The following DLG2 variants were observed in gnomAD, a reference collection of about 807,000 sequenced individuals.
The protein encoded by DLG2 is discs large MAGUK scaffold protein 2, also known as disks large homolog 2.
DLG2 carries 45 observed loss-of-function variants against 132.5 expected under a neutral mutation model. That is an observed-to-expected ratio of 0.34 (90% CI 0.27 to 0.44). The LOEUF is 0.44. Among genes scored for constraint, DLG2 ranks in the 20% least tolerant of loss-of-function variants. The pLI is 1.00. For synonymous variants in DLG2, 424 were observed against 419.6 expected (o/e 1.01, Z -0.13); for missense variants, 1,045 against 1,196.9 (o/e 0.87, Z 1.87).
intron 3 of DLG2, among the ~76,000 whole-genome samples, chr11:85,500,406 G>C (rs2093771131): frequency 8.8e-6 from 1 of 113,190 alleles, no homozygotes; most frequent in African/African-American, 3.8e-5. Context: ...TCGGGGGAGG[G>C]GGGAGGGATA....
chr11:84,611,032 C>CAT (rs1400201577), intron 6 of DLG2, among the ~76,000 whole-genome samples: 1 of 147,624 alleles, frequency 6.8e-6, no homozygotes, highest in Non-Finnish European at 1.5e-5. Flanking sequence ...CATACACACA[C>CAT]ACACACACAC....
intron 3 of DLG2, among the ~76,000 whole-genome samples, chr11:85,463,810 A>T (rs2092692947): frequency 6.6e-6 from 1 of 152,112 alleles, no homozygotes; most frequent in African/African-American, 2.4e-5. Context: ...AGATATTGGT[A>T]TTGAGTACAT....
intron 3 of DLG2, among the ~76,000 whole-genome samples, chr11:85,554,846 A>G (rs1368640141): frequency 6.6e-6 from 1 of 151,628 alleles, no homozygotes; most frequent in Admixed American, 6.6e-5. Context: ...CATCCTGACA[A>G]CTGACTGACT....
chr11:84,335,303 A>C (rs965153023), intron 7 of DLG2, among the ~76,000 whole-genome samples: 1 of 152,068 alleles, frequency 6.6e-6, no homozygotes, highest in Non-Finnish European at 1.5e-5. Context: ...AACCATTTTA[A>C]CATGGCTTCA....
intron 7 of DLG2, among the ~76,000 whole-genome samples, chr11:84,369,892 C>A (rs2098699070): frequency 6.6e-6 from 1 of 152,116 alleles, no homozygotes; most frequent in Non-Finnish European, 1.5e-5. Flanking sequence ...ATGGGGTAAA[C>A]TTTATCCCTT....
At chr11:85,351,475 T>C (rs556951528) in intron 3 of DLG2, among the ~76,000 whole-genome samples, 106 of 152,232 alleles carry the variant, frequency 7.0e-4, no homozygotes, top group Middle Eastern at 3.4e-3. Flanking sequence ...GAGAGGGCAT[T>C]CTTGTCTTGT....
intron 3 of DLG2, among the ~76,000 whole-genome samples, chr11:85,418,270 T>C (rs1163930565): frequency 2.0e-5 from 3 of 152,240 alleles, no homozygotes; most frequent in African/African-American, 4.8e-5. Context: ...AGTTTCTTAA[T>C]TCTGAGTTCT....
chr11:84,264,157 G>A (rs548597429), intron 7 of DLG2, among the ~76,000 whole-genome samples: 1 of 152,124 alleles, frequency 6.6e-6, no homozygotes, highest in South Asian at 2.1e-4. Flanking sequence ...ACTAAATACT[G>A]CTGGCATTTG....
chr11:84,545,008 T>A, intron 6 of DLG2: 1 of 421,486 alleles, frequency 2.4e-6, no homozygotes, highest in South Asian at 1.8e-5. Flanking sequence ...GTCTAAAACA[T>A]GTTTTCTTTG....
chr11:84,819,514 A>G (rs1312669659), intron 6 of DLG2, among the ~76,000 whole-genome samples: 1 of 151,860 alleles, frequency 6.6e-6, no homozygotes, highest in Non-Finnish European at 1.5e-5. Context: ...TCATGCCTAT[A>G]TGCCTGGCAT....
At chr11:84,801,043 G>A (rs886471796) in intron 6 of DLG2, among the ~76,000 whole-genome samples, 1 of 152,130 alleles carries the variant, frequency 6.6e-6, no homozygotes, top group Admixed American at 6.5e-5. Flanking sequence ...TTATGTGCAA[G>A]TTTGTCTTAT....
At chr11:85,322,089 T>C (rs1252762223) in intron 3 of DLG2, among the ~76,000 whole-genome samples, 1 of 152,074 alleles carries the variant, frequency 6.6e-6, no homozygotes, top group Non-Finnish European at 1.5e-5. Context: ...TCTCCAAACC[T>C]TATCATCACT....
intron 3 of DLG2, among the ~76,000 whole-genome samples, chr11:85,513,265 T>A (rs1215616502): frequency 1.3e-5 from 2 of 151,924 alleles, no homozygotes; most frequent in Non-Finnish European, 2.9e-5. Flanking sequence ...AGCAATGGGA[T>A]CATTAGAAGC....
intron 5 of DLG2, among the ~76,000 whole-genome samples, chr11:85,116,727 A>G (rs2073646470): frequency 6.6e-6 from 1 of 152,050 alleles, no homozygotes; most frequent in Non-Finnish European, 1.5e-5. Context: ...ACACCAAGAT[A>G]TAAAAATGAG....
At chr11:84,111,735 C>A (rs1056728354) in intron 9 of DLG2, among the ~76,000 whole-genome samples, 2 of 152,160 alleles carry the variant, frequency 1.3e-5, no homozygotes, top group Non-Finnish European at 2.9e-5. Flanking sequence ...ACGTACAGTT[C>A]TTGTTCTCAA....
At chr11:85,449,336 C>CCACTCTTTT (rs1399292699) in intron 3 of DLG2, among the ~76,000 whole-genome samples, 1 of 151,994 alleles carries the variant, frequency 6.6e-6, no homozygotes, top group African/African-American at 2.4e-5. Flanking sequence ...TGTCTTTTAA[C>CCACTCTTTT]CACTCTTTTA....
At chr11:85,138,523 T>C (rs2076263293) in intron 5 of DLG2, among the ~76,000 whole-genome samples, 1 of 152,154 alleles carries the variant, frequency 6.6e-6, no homozygotes, top group Non-Finnish European at 1.5e-5. Flanking sequence ...GCCATTCCCA[T>C]ACTCCACCTT....
At chr11:84,740,458 A>C (rs980673872) in intron 6 of DLG2, among the ~76,000 whole-genome samples, 2 of 152,134 alleles carry the variant, frequency 1.3e-5, no homozygotes, top group Non-Finnish European at 2.9e-5. Flanking sequence ...GTATTGCTTC[A>C]AATTAGGAGG....
intron 7 of DLG2, among the ~76,000 whole-genome samples, chr11:84,435,816 T>C (rs2098998783): frequency 6.6e-6 from 1 of 152,146 alleles, no homozygotes; most frequent in African/African-American, 2.4e-5. Flanking sequence ...TGCTATTTCC[T>C]ACATTTGGGT....
Sources: allele counts gnomAD v4.1 joint callset (sites outside exome capture counted in the v4.1 genomes callset), GRCh38; gene constraint gnomAD v4.1.1; transcripts MANE v1.5; gene names NCBI Gene and HGNC (gene_info 2026-07-23, HGNC 2026-07-21).